Variants in DST observed in about 807,000 individuals in gnomAD.
The protein encoded by DST is dystonin, also known as bullous pemphigoid antigen.
Under a neutral mutation model 875.2 loss-of-function variants are expected in DST, and 253 were observed. The ratio of observed to expected loss-of-function variants is 0.29; its 90% confidence interval spans 0.26 to 0.32. The LOEUF (loss-of-function observed/expected upper bound fraction) is 0.32, where lower values mean the gene tolerates loss of function less well. Ranked by LOEUF, DST falls within the 10% of genes least tolerant of loss-of-function variation. The pLI, the probability that DST is intolerant of heterozygous loss-of-function variation, is 1.00. For synonymous variants in DST, 3,124 were observed against 3,197.1 expected, an observed-to-expected ratio of 0.98 and a Z score of 0.77; for missense variants, 8,287 against 9,111.6, an observed-to-expected ratio of 0.91 and a Z score of 3.68.
chr6:56,683,648 G>A (rs549433609), intron 9 of DST, among the ~76,000 whole-genome samples: 1 of 152,246 alleles, frequency 6.6e-6, no homozygotes, highest in South Asian at 2.1e-4. Flanking sequence ...CAGCAACAAA[G>A]GAAGTATTAA....
chr6:56,890,145 G>A (rs1402361433), intron 3 of DST, among the ~76,000 whole-genome samples: 1 of 152,124 alleles, frequency 6.6e-6, no homozygotes, highest in East Asian at 1.9e-4. Flanking sequence ...AGGTTTAAAT[G>A]TTAACTCCAT....
At position 56,598,713 on chromosome 6, in the gene DST, A is replaced by T. The variant is rs1342117951; in HGVS notation, c.11695-4T>A. On this transcript the variant is annotated splice_polypyrimidine_tract_variant and splice_region_variant and intron_variant, in intron 45 of 103. Transcript: ENST00000680361. The stretch of plus-strand genomic sequence containing the variant: ...CTTGCATATCTTTCTGTAATTCCTT[A>T]TAACACAAAAGGAAAAAATATATTT... 6.6e-7 allele frequency: 1 copy of T among 1,523,472 alleles called. No individual in the cohort carries two copies. Among genetic ancestry groups the T allele is most frequent in the South Asian group, 1.3e-5 (1 of 76,688 alleles). 94.4% of individuals were successfully genotyped at this position (1,523,472 alleles called of 1,614,324 possible). A position where few individuals can be genotyped will look rare whatever the true frequency, so the allele number is the denominator to read the frequency against.
chr6:56,492,310 C>T lies in DST; in HGVS notation c.20674G>A (p.Val6892Ile), dbSNP rs777521428. The change falls in exon 85 of 104, where the codon GTA (valine) becomes ATA (isoleucine). Residue 6892 changes from valine to isoleucine, a missense_variant. Physicochemically the swap from Val to Ile is conservative, Grantham distance 29. Around this residue, in one of 10 missense-constraint regions of DST, gnomAD observed 1,292 missense variants for 1,552.7 expected, o/e 0.83. Coordinates refer to ENST00000680361, the MANE Select transcript of DST (RefSeq NM_001374736.1). ...ACCACTTTTTCCCATCGACTTTGTA[C>T]ACTGATAAGTAGATTCTTGATTAGA... ...VVLIKNLLIS[V>I]QSRWEKVVQR... 2.5e-6 allele frequency: 4 copies of T among 1,613,722 alleles called. No individual in the cohort carries two copies. The highest frequency in any genetic ancestry group is 1.6e-4 in the Middle Eastern group (1 of 6,082).
chr6:56,579,004 A>G, intron 49 of DST, 67 bp from the exon 50 acceptor site: 1 of 1,319,966 alleles, frequency 7.6e-7, no homozygotes, highest in Non-Finnish European at 1.0e-6. Flanking sequence ...ATGTGGAAAA[A>G]ATGATTTCTA....
At position 56,604,082 on chromosome 6, in the gene DST, A is replaced by G. The variant is rs1283215322; in HGVS notation, c.10546T>C (p.Cys3516Arg). ...EHVGDFNQKA[C>R]STSEMMEEKP... Reference sequence around the variant, plus strand: ...TCTTCCATCATCTCAGATGTAGAACATGCTTTTTGATTAAAGTCTCCAACA... The same window carrying G: ...TCTTCCATCATCTCAGATGTAGAACGTGCTTTTTGATTAAAGTCTCCAACA... The change falls in exon 40 of 104, where the codon TGT (cysteine) becomes CGT (arginine). Residue 3516 changes from cysteine (C) to arginine (R), a missense_variant. By Grantham distance (180) the Cys-to-Arg change is radical. Around this residue, in one of 10 missense-constraint regions of DST, gnomAD observed 3,138 missense variants for 3,116.6 expected, o/e 1.01. Transcript: ENST00000680361. The G allele has an allele frequency of 7.6e-6, 12 of 1,580,248 alleles. No homozygotes were observed. Among genetic ancestry groups the G allele is most frequent in the Non-Finnish European group, 8.6e-6 (10 of 1,160,684 alleles).
At chr6:56,601,375 C>G in intron 44 of DST, 68 bp downstream of exon 44, 1 of 1,025,922 alleles carries the variant, frequency 9.7e-7, no homozygotes, top group South Asian at 1.6e-5. Context: ...ACACTATACT[C>G]CTTGGGTATC....
At chr6:56,574,122 T>A (rs1223944354) in intron 50 of DST, among the ~76,000 whole-genome samples, 1 of 151,682 alleles carries the variant, frequency 6.6e-6, no homozygotes. Context: ...TTAATATATA[T>A]CCCATCTGCA....
intron 47 of DST, among the ~76,000 whole-genome samples, chr6:56,596,428 G>A (rs1468464248): frequency 1.3e-5 from 2 of 152,120 alleles, no homozygotes; most frequent in African/African-American, 4.8e-5. Context: ...TTTCCTGTGT[G>A]ATATCTTTAT....
chr6:56,899,501 A>G (rs930319478), intron 3 of DST, among the ~76,000 whole-genome samples: 4 of 152,220 alleles, frequency 2.6e-5, no homozygotes, highest in African/African-American at 9.6e-5. Flanking sequence ...TTACCCCCAC[A>G]GAAGGGCAGT....
At position 56,694,606 on chromosome 6, in the gene DST, T is replaced by C. The variant is rs888912986; in HGVS notation, c.1047+5047A>G. Reference sequence around the variant, plus strand: ...ACTATAAATGTATAATGGCTGATATTTGTACTAACATGATGGAGGGGCAAC... The same window carrying C: ...ACTATAAATGTATAATGGCTGATATCTGTACTAACATGATGGAGGGGCAAC... On this transcript the variant is annotated intron_variant, in intron 9 of 103. Transcript: ENST00000680361. Among the ~76,000 whole-genome samples the C allele has an allele frequency of 2.0e-5, 3 of 152,104 alleles. 1 individual carries two copies. Among genetic ancestry groups the C allele is most frequent in the Admixed American group, 2.0e-4 (3 of 15,276 alleles).
chr6:56,761,908 TG>T (rs2152963936), intron 4 of DST, among the ~76,000 whole-genome samples: 1 of 152,356 alleles, frequency 6.6e-6, no homozygotes, highest in African/African-American at 2.4e-5. Context: ...TACACATTAG[TG>T]GTTATTTAGT....
rs185698847 is a variant in DST, at chr6:56,586,994, A to G, written c.12903+5188T>C. Among the ~76,000 whole-genome samples, 13 of 152,362 alleles carry G rather than the reference A, an allele frequency of 8.5e-5. No homozygotes were observed. The East Asian group carries it at 2.5e-3, about 29-fold the overall frequency. ...AGCAGAAAAACTGGAAACTCTAAAA[A>G]GTGGAGTGCCTCTCCTCCTCCAAAG... On this transcript the variant is annotated intron_variant, in intron 49 of 103. Transcript: ENST00000680361.
intron 4 of DST, among the ~76,000 whole-genome samples, chr6:56,826,556 T>C (rs1487042852): frequency 1.3e-5 from 2 of 152,180 alleles, no homozygotes; most frequent in Non-Finnish European, 2.9e-5. Flanking sequence ...TCTGTTTGCA[T>C]ATAGAATTTT....
chr6:56,905,553 C>T (rs1457812328), intron 2 of DST, among the ~76,000 whole-genome samples: 1 of 152,052 alleles, frequency 6.6e-6, no homozygotes, highest in South Asian at 2.1e-4. Context: ...ATAATGTTCT[C>T]CAGGTTCATT....
At chr6:56,575,336 CAT>C (rs1453040525) in intron 50 of DST, among the ~76,000 whole-genome samples, 5 of 152,086 alleles carry the variant, frequency 3.3e-5, no homozygotes, top group Non-Finnish European at 7.4e-5. Flanking sequence ...AACAAACCTG[CAT>C]ATGTACCCTC....
intron 36 of DST, chr6:56,615,776 C>T (rs1356392209): frequency 1.9e-6 from 3 of 1,614,128 alleles, no homozygotes; most frequent in South Asian, 1.1e-5. Context: ...CTCTATCAAC[C>T]CTCCTGTCAA....
At chr6:56,619,249 T>C (rs1215697694) in intron 36 of DST, 1 of 1,613,226 alleles carries the variant, frequency 6.2e-7, no homozygotes, top group East Asian at 2.2e-5. Context: ...TCTCTGATTC[T>C]GCCTGAATTC....
chr6:56,838,641 C>G lies in DST; in HGVS notation c.625+12756G>C, dbSNP rs78741388. 5.4e-3 allele frequency among the ~76,000 whole-genome samples: 814 copies of G among 152,132 alleles called. 6 individuals carry two copies. Among genetic ancestry groups the G allele is most frequent in the African/African-American group, 0.018 (768 of 41,538 alleles). ...GCTAAATAAATGTTGAGATAACTCT[C>G]TAAGAACAAAAGAAACTGAAAAGAG... On this transcript the variant is annotated intron_variant, in intron 4 of 103. Coordinates refer to ENST00000680361, the MANE Select transcript of DST (RefSeq NM_001374736.1).
At chr6:56,576,150 T>G (rs143057816) in intron 50 of DST, among the ~76,000 whole-genome samples, 1,570 of 152,280 alleles carry the variant, frequency 0.01, 28 homozygotes, top group African/African-American at 0.035. Flanking sequence ...AGCTTCTGAA[T>G]AGCTGAACAC....
Sources: allele counts gnomAD v4.1 joint callset (sites outside exome capture counted in the v4.1 genomes callset), GRCh38; gene constraint gnomAD v4.1.1; regional missense constraint gnomAD v4.1.1; transcripts MANE v1.5; gene names NCBI Gene and HGNC (gene_info 2026-07-23, HGNC 2026-07-21).